The following NHSL1 variants were observed in gnomAD, a reference collection of about 807,000 sequenced individuals.
The protein encoded by NHSL1 is NHS like 1.
Under a neutral mutation model 95.0 loss-of-function variants are expected in NHSL1, and 48 were observed. That is an observed-to-expected ratio of 0.51 (90% CI 0.40 to 0.64). The LOEUF (loss-of-function observed/expected upper bound fraction) is 0.64, where lower values mean the gene tolerates loss of function less well. Among genes scored for constraint, NHSL1 ranks in the 30% least tolerant of loss-of-function variants. The probability of loss-of-function intolerance (pLI) is 0.00; values close to 1 mark genes in which losing one functional copy is unlikely to be tolerated. For missense variants in NHSL1, 1,971 were observed against 2,077.7 expected (o/e 0.95, Z 1.00); for synonymous variants, 783 against 833.9 (o/e 0.94, Z 1.05).
rs1363088330 is a variant in NHSL1, at chr6:138,599,687, G to A, written c.96+92789C>T. Among the ~76,000 whole-genome samples the A allele has an allele frequency of 3.3e-5, 5 of 152,102 alleles. 1 individual carries two copies. The highest frequency in any genetic ancestry group is 4.1e-4 in the South Asian group (2 of 4,830). ...ACCTTAAGATGATCAAATCACAAAT[G>A]CTCAGTTAAGTCCAATCAGATCTCA... is the stretch of plus-strand genomic sequence containing the variant. On this transcript the variant is annotated intron_variant, in intron 1 of 3. Coordinates refer to the NHSL1 transcript ENST00000491526.
intron 1 of NHSL1, among the ~76,000 whole-genome samples, chr6:138,688,338 A>G (rs564574985): frequency 6.6e-6 from 1 of 151,984 alleles, no homozygotes; most frequent in African/African-American, 2.4e-5. Flanking sequence ...AAACCCAATC[A>G]CACAGGGCTT....
intron 1 of NHSL1, among the ~76,000 whole-genome samples, chr6:138,688,416 C>T (rs529379307): frequency 9.2e-5 from 14 of 151,976 alleles, no homozygotes; most frequent in African/African-American, 1.4e-4. Context: ...GAGGCCGAGG[C>T]GGGTGGATCA....
chr6:138,599,688 C>A lies in NHSL1; in HGVS notation c.96+92788G>T, dbSNP rs944934274. The stretch of plus-strand genomic sequence containing the variant: ...CCTTAAGATGATCAAATCACAAATG[C>A]TCAGTTAAGTCCAATCAGATCTCAA... On this transcript the variant is annotated intron_variant, in intron 1 of 3. Coordinates refer to the NHSL1 transcript ENST00000491526. Among the ~76,000 whole-genome samples, 15 of 152,238 alleles carry A rather than the reference C, an allele frequency of 9.9e-5. No individual in the cohort carries two copies. In the East Asian group the frequency reaches 2.7e-3, roughly 27 times the overall value.
chr6:138,461,531 C>T (rs1031209691), intron 3 of NHSL1, among the ~76,000 whole-genome samples: 9 of 152,136 alleles, frequency 5.9e-5, no homozygotes, highest in Non-Finnish European at 1.0e-4. Flanking sequence ...TAAACAATGT[C>T]AAATGCTGAG....
At chr6:138,576,097 T>G (rs1197156021), upstream of NHSL1, among the ~76,000 whole-genome samples, 1 of 152,138 alleles carries the variant, frequency 6.6e-6, no homozygotes, top group Non-Finnish European at 1.5e-5. Flanking sequence ...GTTTAAGCGA[T>G]TCTCTTTCCT....
chr6:138,624,985 AGTGT>A, intron 1 of NHSL1, among the ~76,000 whole-genome samples: 1 of 152,190 alleles, frequency 6.6e-6, no homozygotes, highest in South Asian at 2.1e-4. Context: ...TACAAAATAT[AGTGT>A]GTGTGTGTGA....
intron 2 of NHSL1, among the ~76,000 whole-genome samples, chr6:138,475,090 G>A (rs1362929916): frequency 2.0e-5 from 3 of 151,560 alleles, no homozygotes; most frequent in East Asian, 1.9e-4. Context: ...CAGAAGTTGC[G>A]GTGAGCCGAG....
At chr6:138,467,318 A>G (rs4896359) in intron 3 of NHSL1, among the ~76,000 whole-genome samples, 40,666 of 151,744 alleles carry the variant, frequency 0.27, 6,369 homozygotes, top group African/African-American at 0.41. Context: ...TCGCCTGGCT[A>G]ATTTTTTGTA....
At chr6:138,666,625 A>G (rs914675405) in intron 1 of NHSL1, among the ~76,000 whole-genome samples, 1 of 151,380 alleles carries the variant, frequency 6.6e-6, no homozygotes, top group African/African-American at 2.4e-5. Context: ...GATGTGACAA[A>G]TCTGTATGAA....
chr6:138,499,587 T>A (rs56056246), upstream of NHSL1: 156,036 of 327,740 alleles, frequency 0.48, 40,043 homozygotes, highest in Middle Eastern at 0.56. Flanking sequence ...CGGTTCTTAT[T>A]TGCATGACAG....
rs143658493 is a variant in NHSL1, at chr6:138,657,363, C to T, written c.96+35113G>A. Among the ~76,000 whole-genome samples, 344 of 152,282 alleles carry T rather than the reference C, an allele frequency of 2.3e-3. 1 individual carries two copies. Among genetic ancestry groups the T allele is most frequent in the African/African-American group, 7.7e-3 (319 of 41,554 alleles). ...TTATATTTCATTTCTCATAGATTTA[C>T]CTTTTATTACACTTGTTAACATAGT... On this transcript the variant is annotated intron_variant, in intron 1 of 3. Transcript: ENST00000491526.
chr6:138,650,983 T>C, intron 1 of NHSL1: 1 of 503,480 alleles, frequency 2.0e-6, no homozygotes. Context: ...CATAAGGCTT[T>C]GTGTTTGGGT....
intron 1 of NHSL1, chr6:138,512,380 C>G: frequency 2.2e-6 from 1 of 447,538 alleles, no homozygotes; most frequent in Non-Finnish European, 4.5e-6. Flanking sequence ...GAACTCGTTC[C>G]GGCACGATGT....
At chr6:138,548,405 T>C (rs1174468682), upstream of NHSL1, among the ~76,000 whole-genome samples, 6 of 152,240 alleles carry the variant, frequency 3.9e-5, no homozygotes, top group Non-Finnish European at 8.8e-5. Context: ...GTCCAACCTG[T>C]GGCCCACATG....
chr6:138,592,027 T>C (rs368786201), intron 1 of NHSL1, among the ~76,000 whole-genome samples: 83 of 152,314 alleles, frequency 5.4e-4, no homozygotes, highest in African/African-American at 1.9e-3. Context: ...CATTTGAAAA[T>C]GTTTTTTGGG....
Position 138,430,310 on chromosome 6 carries a change from G to A in NHSL1, c.3952+83C>T, listed in dbSNP as rs189388316. The A allele has an allele frequency of 1.6e-5, 22 of 1,403,552 alleles. No homozygotes were observed. The African/African-American group carries it at 2.7e-4, about 18-fold the overall frequency. 86.9% of individuals were successfully genotyped at this position (1,403,552 alleles called of 1,614,324 possible). On this transcript the variant is annotated intron_variant, in intron 6 of 7. Coordinates refer to ENST00000343505, the MANE Select transcript of NHSL1 (RefSeq NM_001144060.2). This position sits in a 1 kb window ranked among gnomAD's most constrained non-coding sequence, Gnocchi z 4.7. The stretch of plus-strand genomic sequence containing the variant: ...TCTGATCTACCTGGGTTCTTTCCAC[G>A]TGTGAGCATTCAACAACCCTATCTG...
At position 138,431,614 on chromosome 6, in the gene NHSL1, TAGA is replaced by T; in HGVS notation, c.2728_2730del (p.Ser910del). On this transcript the variant is annotated inframe_deletion, in exon 6 of 8. Transcript: ENST00000343505. This position sits in a 1 kb window ranked among gnomAD's most constrained non-coding sequence, Gnocchi z 4.0. Reference sequence around the variant, plus strand: ...TTCTTCATAGTGCCACTTCCTTCAGTAGAAGTACTAGAAGAAAGAGAAGTGGAC... The same window carrying T: ...TTCTTCATAGTGCCACTTCCTTCAGTAGTACTAGAAGAAAGAGAAGTGGAC... The T allele has an allele frequency of 6.4e-7, 1 of 1,551,490 alleles. No homozygotes were observed. The highest frequency in any genetic ancestry group is 8.7e-7 in the Non-Finnish European group (1 of 1,146,810).
Position 138,431,033 on chromosome 6 carries a change from A to C in NHSL1, c.3312T>G (p.Val1104=), listed in dbSNP as rs1394242899. ...ERTAQEQRTP[V]APQYHLKPSA... is the part of the protein sequence containing the mutation. ...ATGGCTTTAAGTGGTACTGTGGAGC[A>C]ACTGGAGTTCGTTGTTCCTGAGCTG... Residue 1104 remains valine (V), a synonymous_variant, in exon 6 of 8, where the codon GTT becomes GTG. Transcript: ENST00000343505. The surrounding 1 kb of genome is among the most constrained non-coding windows in gnomAD (Gnocchi z 4.0). 3 of 1,552,236 alleles carry C rather than the reference A, an allele frequency of 1.9e-6. No homozygotes were observed. Among genetic ancestry groups the C allele is most frequent in the Non-Finnish European group, 1.7e-6 (2 of 1,147,104 alleles).
At chr6:138,509,747 T>C (rs987199845) in intron 1 of NHSL1, among the ~76,000 whole-genome samples, 1 of 152,160 alleles carries the variant, frequency 6.6e-6, no homozygotes, top group Non-Finnish European at 1.5e-5. Context: ...GAGCCTCAAT[T>C]CGGACAACAT....
Sources: gnomAD v4.1 joint callset for allele counts (sites outside exome capture counted in the v4.1 genomes callset) on GRCh38, gnomAD v4.1.1 for gene constraint, Gnocchi (gnomAD v3.1) non-coding constraint, MANE v1.5 for transcripts, NCBI Gene and HGNC (gene_info 2026-07-23, HGNC 2026-07-21) for gene names.